COPB1: variants seen among roughly 807,000 people sequenced by gnomAD.
COPB1 encodes coat protein complex I subunit beta 1.
COPB1 carries 21 observed loss-of-function variants against 108.7 expected under a neutral mutation model. The observed-to-expected ratio is 0.19, with a 90% CI of 0.14 to 0.28. COPB1 has a LOEUF of 0.28. Ranked by LOEUF, COPB1 falls within the 10% of genes least tolerant of loss-of-function variation. The pLI is 1.00. For synonymous variants in COPB1, 378 were observed against 386.8 expected (o/e 0.98, Z 0.27); for missense variants, 919 against 1,141.3 (o/e 0.81, Z 2.81).
chr11:14,468,544 T>G, intron 16 of COPB1, 137 bp downstream of exon 16: 1 of 749,052 alleles, frequency 1.3e-6, no homozygotes, highest in Non-Finnish European at 2.2e-6. Flanking sequence ...CATCAGCTTC[T>G]GAGTTTCAAC....
In COPB1 at chr11:14,486,472, A is replaced by T. The variant is rs764002317; in HGVS notation, c.732T>A (p.Arg244=). The T allele has an allele frequency of 1.2e-6, 2 of 1,614,074 alleles. No individual in the cohort carries two copies. Among genetic ancestry groups the T allele is most frequent in the Admixed American group, 3.3e-5 (2 of 60,022 alleles). ...ATAAGTTATAGATGCAGCGAATAAA[A>T]CGAGCTCTTTCTGATGGATTAGCAT... ...VCHANPSERA[R]FIRCIYNLLQ... Residue 244 remains arginine (R), a synonymous_variant, in exon 7 of 22, where the codon CGT becomes CGA. Transcript: ENST00000439561.
rs558242505 is a variant in COPB1, at chr11:14,499,114, T to C, written c.-57-129A>G. 2.8e-4 allele frequency: 145 copies of C among 525,786 alleles called. 1 individual carries two copies. Among genetic ancestry groups the C allele is most frequent in the Non-Finnish European group, 2.6e-4 (80 of 303,510 alleles). The allele number at this position is 525,786 out of a possible 1,614,324, so 32.6% of individuals were successfully genotyped here. A position where few individuals can be genotyped will look rare whatever the true frequency, so the allele number is the denominator to read the frequency against. ...TATATCGTGTTCCCATAAAAATAAA[T>C]TCTAGTAAAAACCACATTATCAGCT... On this transcript the variant is annotated intron_variant, in intron 1 of 21. Transcript: ENST00000439561.
intron 13 of COPB1, 46 bp downstream of exon 13, chr11:14,475,739 A>G (rs1468415321): frequency 4.9e-6 from 7 of 1,441,556 alleles, no homozygotes; most frequent in Middle Eastern, 3.7e-4. Context: ...TACAAGAGTA[A>G]TAATAAAAGT....
intron 10 of COPB1, 110 bp from the exon 11 acceptor site, chr11:14,479,824 G>C (rs1166403522): frequency 1.8e-6 from 2 of 1,124,910 alleles, no homozygotes; most frequent in Non-Finnish European, 2.5e-6. Context: ...TTTTCTAAGA[G>C]ACAGGGTCTT....
rs2134133957 is a variant in COPB1 at position 14,499,252 on chromosome 11, C to G, written c.-57-267G>C. ...AACAGTGACAGTCCCCCCAGCCACA[C>G]CCCACAATGTTATGGACCGTATGGT... On this transcript the variant is annotated intron_variant, in intron 1 of 21. Coordinates refer to ENST00000439561, the MANE Select transcript of COPB1 (RefSeq NM_001144061.2). Among the ~76,000 whole-genome samples the G allele has an allele frequency of 2.6e-5, 4 of 152,274 alleles. No homozygotes were observed. The South Asian group carries it at 8.3e-4, about 32-fold the overall frequency.
intron 14 of COPB1, among the ~76,000 whole-genome samples, chr11:14,472,434 T>C (rs1850429335): frequency 6.6e-6 from 1 of 152,020 alleles, no homozygotes; most frequent in Non-Finnish European, 1.5e-5. Flanking sequence ...ACAGACAGAG[T>C]TGATTAAGCA....
chr11:14,492,255 A>G (rs1181517057), intron 4 of COPB1, among the ~76,000 whole-genome samples: 3 of 152,100 alleles, frequency 2.0e-5, no homozygotes, highest in African/African-American at 7.2e-5. Flanking sequence ...TAATTTTTCT[A>G]TGTGCACTAT....
In COPB1 at chr11:14,466,264, A is replaced by C; in HGVS notation, c.2290+18T>G. ...CTACTATGTGACAATCTCTTTCCTGAATGGTAAGTTTCCTCACCTAGTGTA... is the reference window on the plus strand; with the variant it reads ...CTACTATGTGACAATCTCTTTCCTGCATGGTAAGTTTCCTCACCTAGTGTA... On this transcript the variant is annotated intron_variant, in intron 17 of 21. Coordinates refer to ENST00000439561, the MANE Select transcript of COPB1 (RefSeq NM_001144061.2). The C allele has an allele frequency of 6.2e-7, 1 of 1,611,538 alleles. No individual in the cohort carries two copies. Among genetic ancestry groups the C allele is most frequent in the Non-Finnish European group, 8.5e-7 (1 of 1,178,654 alleles).
At chr11:14,494,125 T>C (rs1850968008) in intron 3 of COPB1, 85 bp downstream of exon 3, 1 of 930,348 alleles carries the variant, frequency 1.1e-6, no homozygotes, top group African/African-American at 1.7e-5. Context: ...AAAGACTCAA[T>C]TTTAACAATT....
At chr11:14,499,422 A>C (rs1589972644) in intron 1 of COPB1, among the ~76,000 whole-genome samples, 1 of 150,414 alleles carries the variant, frequency 6.6e-6, no homozygotes, top group Admixed American at 6.6e-5. Context: ...CTGCACCCCC[A>C]CCTCGCCCCA....
intron 11 of COPB1, among the ~76,000 whole-genome samples, chr11:14,477,769 G>A (rs752069873): frequency 2.2e-4 from 34 of 151,894 alleles, no homozygotes; most frequent in Non-Finnish European, 3.7e-4. Flanking sequence ...GCAGTGGCAC[G>A]CACCTGTAGT....
intron 2 of COPB1, among the ~76,000 whole-genome samples, chr11:14,495,720 T>C (rs890640405): frequency 1.3e-5 from 2 of 152,192 alleles, no homozygotes; most frequent in Admixed American, 6.5e-5. Context: ...TATTTATTTA[T>C]TGGTTGGAGG....
intron 7 of COPB1, among the ~76,000 whole-genome samples, chr11:14,483,610 T>C (rs1383655472): frequency 6.6e-6 from 1 of 152,122 alleles, no homozygotes; most frequent in African/African-American, 2.4e-5. Context: ...TGTTAAAATA[T>C]TTTAGTATTT....
chr11:14,491,003 C>T (rs908799214), intron 4 of COPB1, among the ~76,000 whole-genome samples: 1 of 152,006 alleles, frequency 6.6e-6, no homozygotes, highest in Non-Finnish European at 1.5e-5. Flanking sequence ...GTTGGCCAGG[C>T]TGGTCTTGAA....
intron 3 of COPB1, 22 bp downstream of exon 3, chr11:14,494,188 A>G: frequency 6.7e-7 from 1 of 1,499,896 alleles, no homozygotes; most frequent in Non-Finnish European, 9.2e-7. Flanking sequence ...CAATATTCAG[A>G]AATAATTATG....
At chr11:14,496,684 GA>G (rs35125378) in intron 2 of COPB1, among the ~76,000 whole-genome samples, 95,635 of 143,718 alleles carry the variant, frequency 0.67, 31,198 homozygotes, top group African/African-American at 0.7. Flanking sequence ...ATTCTTCACA[GA>G]AAAAAAAAAA....
intron 7 of COPB1, among the ~76,000 whole-genome samples, chr11:14,484,832 G>A (rs980838622): frequency 2.0e-5 from 3 of 152,058 alleles, no homozygotes; most frequent in African/African-American, 7.2e-5. Flanking sequence ...TCAAGTTTTG[G>A]GTAAAGCAGT....
At chr11:14,479,398 C>A (rs963894320) in intron 11 of COPB1, among the ~76,000 whole-genome samples, 171 bp downstream of exon 11, 1 of 152,102 alleles carries the variant, frequency 6.6e-6, no homozygotes, top group Non-Finnish European at 1.5e-5. Context: ...TATTTTGGGC[C>A]ATTTATTATA....
intron 14 of COPB1, among the ~76,000 whole-genome samples, chr11:14,470,653 G>T (rs572343103): frequency 6.6e-6 from 1 of 152,150 alleles, no homozygotes; most frequent in Admixed American, 6.5e-5. Flanking sequence ...CAGCAGAAGA[G>T]TAAGTATATG....
Sources: allele counts gnomAD v4.1 joint callset (sites outside exome capture counted in the v4.1 genomes callset), GRCh38; gene constraint gnomAD v4.1.1; transcripts MANE v1.5; gene names NCBI Gene and HGNC (gene_info 2026-07-23, HGNC 2026-07-21).